The following GALNT13 variants were observed in gnomAD, a reference collection of about 807,000 sequenced individuals.
The protein encoded by GALNT13 is UDP-GalNAc:polypeptide N-acetylgalactosaminyltransferase 13.
GALNT13 carries 28 observed loss-of-function variants against 64.2 expected under a neutral mutation model. That is an observed-to-expected ratio of 0.44 (90% confidence interval 0.32 to 0.60). GALNT13 has a LOEUF of 0.60. Among genes scored for constraint, GALNT13 ranks in the 20% least tolerant of loss-of-function variants. The pLI is 0.05. For synonymous variants in GALNT13, 214 were observed against 224.6 expected (o/e 0.95, Z 0.42); for missense variants, 577 against 669.8 (o/e 0.86, Z 1.53).
chr2:153,919,359 A>T (rs1689600400), intron 2 of GALNT13, among the ~76,000 whole-genome samples: 1 of 152,002 alleles, frequency 6.6e-6, no homozygotes, highest in South Asian at 2.1e-4. Flanking sequence ...CCCATATGAA[A>T]TTCAAAAATT....
At chr2:153,189,217 C>T in the GALNT13 span, among the ~76,000 whole-genome samples, 5 of 152,116 alleles carry the variant, frequency 3.3e-5, no homozygotes, top group Non-Finnish European at 7.4e-5. Flanking sequence ...TTCCCCGTCC[C>T]ATTCCCCAAA....
chr2:153,224,853 C>A, the GALNT13 span, among the ~76,000 whole-genome samples: 1 of 152,132 alleles, frequency 6.6e-6, no homozygotes. Flanking sequence ...TTAATGACAA[C>A]CTTTCCAAAA....
the GALNT13 span, among the ~76,000 whole-genome samples, chr2:153,712,004 C>T: frequency 6.6e-6 from 1 of 152,106 alleles, no homozygotes; most frequent in African/African-American, 2.4e-5. Flanking sequence ...AATGTTAGTT[C>T]TTTTGACACA....
chr2:154,050,603 GCCAACTC>G, intron 3 of GALNT13, among the ~76,000 whole-genome samples: 1 of 151,906 alleles, frequency 6.6e-6, no homozygotes, highest in Non-Finnish European at 1.5e-5. Flanking sequence ...AAAAACAGCA[GCCAACTC>G]AAGGGGGGAA....
At chr2:154,435,009 A>C (rs2105458617) in intron 11 of GALNT13, among the ~76,000 whole-genome samples, 1 of 152,362 alleles carries the variant, frequency 6.6e-6, no homozygotes, top group Non-Finnish European at 1.5e-5. Context: ...GGAAAGGCAC[A>C]GAAATTGATT....
At position 154,295,879 on chromosome 2, in the gene GALNT13, T is replaced by C. The variant is rs549355094; in HGVS notation, c.976-5530T>C. On this transcript the variant is annotated intron_variant, in intron 8 of 12. Coordinates refer to ENST00000392825, the MANE Select transcript of GALNT13 (RefSeq NM_052917.4). The stretch of plus-strand genomic sequence containing the variant: ...CTTTTCTGATAAGTTTGATGATGGC[T>C]TGCCGTTGTTGGCTTCATATGGTTC... 2.8e-3 allele frequency among the ~76,000 whole-genome samples: 420 copies of C among 152,292 alleles called. 1 individual carries two copies. The highest frequency in any genetic ancestry group is 3.9e-3 in the Non-Finnish European group (262 of 68,022).
chr2:153,157,897 A>G, the GALNT13 span, among the ~76,000 whole-genome samples: 1 of 152,198 alleles, frequency 6.6e-6, no homozygotes, highest in Non-Finnish European at 1.5e-5. Flanking sequence ...TATAAATTCA[A>G]TGTAATAATT....
the GALNT13 span, among the ~76,000 whole-genome samples, chr2:153,563,303 C>T: frequency 3.5e-4 from 53 of 152,138 alleles, no homozygotes; most frequent in African/African-American, 1.3e-3. Context: ...CTTTGGTTAG[C>T]ACTTTTAATT....
chr2:153,375,156 T>C, the GALNT13 span, among the ~76,000 whole-genome samples: 1 of 152,156 alleles, frequency 6.6e-6, no homozygotes, highest in South Asian at 2.1e-4. Flanking sequence ...TTTACTACTT[T>C]TATGGCTTCA....
the GALNT13 span, among the ~76,000 whole-genome samples, chr2:153,340,262 AT>A: frequency 3.3e-5 from 5 of 151,616 alleles, no homozygotes; most frequent in African/African-American, 1.2e-4. Flanking sequence ...TATCTTCTTC[AT>A]TTTCTTTTTT....
chr2:153,914,686 T>C (rs1168097377), intron 2 of GALNT13, among the ~76,000 whole-genome samples: 1 of 152,146 alleles, frequency 6.6e-6, no homozygotes, highest in Admixed American at 6.5e-5. Flanking sequence ...TCTTTTACTT[T>C]CTTATCCGAT....
intron 3 of GALNT13, among the ~76,000 whole-genome samples, chr2:154,047,497 A>G (rs1349927223): frequency 6.6e-6 from 1 of 152,186 alleles, no homozygotes; most frequent in African/African-American, 2.4e-5. Flanking sequence ...AAGCTGGGTA[A>G]CAATGAGTGA....
At chr2:154,136,567 T>A (rs1682962223) in intron 3 of GALNT13, among the ~76,000 whole-genome samples, 1 of 152,150 alleles carries the variant, frequency 6.6e-6, no homozygotes, top group Non-Finnish European at 1.5e-5. Flanking sequence ...ATTTATCAGT[T>A]GTTTTGTTTA....
chr2:154,207,180 C>T (rs2105791577), intron 4 of GALNT13, among the ~76,000 whole-genome samples: 1 of 152,204 alleles, frequency 6.6e-6, no homozygotes, highest in Admixed American at 6.5e-5. Flanking sequence ...GTGTACGTAT[C>T]CCTGTGTAAT....
Position 153,963,749 on chromosome 2 carries a change from G to C in GALNT13, c.142+19110G>C, listed in dbSNP as rs1049802246. On this transcript the variant is annotated intron_variant, in intron 3 of 12. Transcript: ENST00000392825. ...TCTCTCTCTGTGTGTGTGTGTGTGTGTGTGTGTGTGTGTGTGTGTGTGTGT... is the reference window on the plus strand; with the variant it reads ...TCTCTCTCTGTGTGTGTGTGTGTGTCTGTGTGTGTGTGTGTGTGTGTGTGT... Among the ~76,000 whole-genome samples, 27 of 144,876 alleles carry C rather than the reference G, an allele frequency of 1.9e-4. No individual in the cohort carries two copies. The South Asian group carries it at 2.2e-3, about 12-fold the overall frequency.
the GALNT13 span, among the ~76,000 whole-genome samples, chr2:153,391,163 A>G: frequency 6.6e-6 from 1 of 152,098 alleles, no homozygotes; most frequent in Non-Finnish European, 1.5e-5. Flanking sequence ...GTGGGCTTTT[A>G]CTCTGAGGGA....
intron 9 of GALNT13, among the ~76,000 whole-genome samples, chr2:154,364,268 C>T (rs951454443): frequency 6.6e-6 from 1 of 152,118 alleles, no homozygotes; most frequent in Admixed American, 6.5e-5. Flanking sequence ...GTTAATCTCA[C>T]TTTTGGGAGT....
chr2:153,874,427 T>C (rs1053706599), intron 1 of GALNT13, among the ~76,000 whole-genome samples: 4 of 152,038 alleles, frequency 2.6e-5, no homozygotes, highest in African/African-American at 9.7e-5. Flanking sequence ...GTAGGGGCAC[T>C]GTGTCTCGGA....
At chr2:154,438,800 A>G in intron 12 of GALNT13, 74 bp downstream of exon 12, 1 of 1,234,292 alleles carries the variant, frequency 8.1e-7, no homozygotes, top group Non-Finnish European at 1.1e-6. Context: ...CAACATTTAA[A>G]TCTTAAGCTG....
Sources: allele counts gnomAD v4.1 joint callset (sites outside exome capture counted in the v4.1 genomes callset), GRCh38; gene constraint gnomAD v4.1.1; transcripts MANE v1.5; gene names NCBI Gene and HGNC (gene_info 2026-07-23, HGNC 2026-07-21).